GSE1: variants seen among roughly 807,000 people sequenced by gnomAD.
GSE1 encodes genetic suppressor element 1.
A neutral mutation model predicts 112.6 loss-of-function variants in GSE1; 32 were observed. That is an observed-to-expected ratio of 0.28 (90% CI 0.21 to 0.38). The LOEUF is 0.38. Ranked by LOEUF, GSE1 falls within the 10% of genes least tolerant of loss-of-function variation. GSE1 has a pLI of 1.00. For missense variants in GSE1, 2,348 were observed against 1,699.2 expected (o/e 1.38, Z -6.71); for synonymous variants, 1,115 against 735.6 (o/e 1.52, Z -8.35).
At chr16:85,357,281 C>G (rs372062417) in intron 1 of GSE1, among the ~76,000 whole-genome samples, 1 of 152,226 alleles carries the variant, frequency 6.6e-6, no homozygotes, top group African/African-American at 2.4e-5. Context: ...AAGGAAGACA[C>G]TGGCACTGGC....
Position 85,400,249 on chromosome 16 carries a change from TTGTGTGTGTG to T in GSE1, c.2464+42630_2464+42639del, listed in dbSNP as rs60393248. On this transcript the variant is annotated intron_variant, in intron 2 of 2. Coordinates refer to the GSE1 transcript ENST00000637419. ...AGATGGGAAAACAGGAAGTGTAGGG[TTGTGTGTGTG>T]TGTGTGTGTGTGTGTGTGTGTGTAA... Among the ~76,000 whole-genome samples the T allele has an allele frequency of 5.0e-3, 755 of 150,588 alleles. 4 individuals are homozygous for T. The highest frequency in any genetic ancestry group is 0.011 in the African/African-American group (458 of 40,976).
At chr16:85,382,177 C>G (rs1320145184) in intron 2 of GSE1, among the ~76,000 whole-genome samples, 1 of 152,202 alleles carries the variant, frequency 6.6e-6, no homozygotes, top group Non-Finnish European at 1.5e-5. Flanking sequence ...GCTGCTGGGG[C>G]CCGGGGCTCG....
At chr16:85,640,901 G>C (rs561938869) in intron 2 of GSE1, among the ~76,000 whole-genome samples, 4 of 151,902 alleles carry the variant, frequency 2.6e-5, no homozygotes, top group African/African-American at 7.3e-5. Context: ...CTCCTGGCCC[G>C]GGGGCCAGAG....
At chr16:85,531,486 G>A (rs1044710286) in intron 2 of GSE1, among the ~76,000 whole-genome samples, 6 of 152,118 alleles carry the variant, frequency 3.9e-5, no homozygotes, top group South Asian at 2.1e-4. Context: ...GAGCCCTCTC[G>A]GAGGGCCTCA....
At chr16:85,214,400 C>T (rs375673985) in intron 1 of GSE1, among the ~76,000 whole-genome samples, 5 of 152,166 alleles carry the variant, frequency 3.3e-5, no homozygotes, top group South Asian at 2.1e-4. Flanking sequence ...GATTTAGAGA[C>T]GCAGACACAG....
intron 1 of GSE1, among the ~76,000 whole-genome samples, chr16:85,621,747 T>C (rs541789834): frequency 3.3e-5 from 5 of 152,318 alleles, no homozygotes; most frequent in African/African-American, 1.2e-4. Flanking sequence ...TTTTGTGTCA[T>C]CCGTGTCTCT....
chr16:85,242,071 A>G (rs2143938001), intron 1 of GSE1, among the ~76,000 whole-genome samples: 1 of 152,260 alleles, frequency 6.6e-6, no homozygotes, highest in East Asian at 1.9e-4. Flanking sequence ...AGGAGCTGCA[A>G]GAGTCCCACG....
intron 15 of GSE1, chr16:85,671,780 C>G (rs2053360870): frequency 6.5e-6 from 1 of 153,920 alleles, no homozygotes; most frequent in African/African-American, 2.4e-5. Flanking sequence ...AGAAGGGAAG[C>G]TGAAGCAACT....
At chr16:85,203,378 T>C (rs1018966986) in intron 1 of GSE1, among the ~76,000 whole-genome samples, 1 of 152,100 alleles carries the variant, frequency 6.6e-6, no homozygotes, top group Non-Finnish European at 1.5e-5. Flanking sequence ...GCTAAGGTGG[T>C]GTGGCACCCT....
chr16:85,281,821 G>T, intron 1 of GSE1, among the ~76,000 whole-genome samples: 1 of 152,198 alleles, frequency 6.6e-6, no homozygotes, highest in East Asian at 1.9e-4. Flanking sequence ...TGCCACTCTT[G>T]ATTTCAGGAG....
intron 1 of GSE1, among the ~76,000 whole-genome samples, chr16:85,223,555 A>T (rs1871109814): frequency 6.6e-6 from 1 of 152,062 alleles, no homozygotes; most frequent in South Asian, 2.1e-4. Context: ...GTGGTAAGAT[A>T]CACGTGACAT....
At chr16:85,197,715 A>C (rs4783149) in intron 1 of GSE1, among the ~76,000 whole-genome samples, 59,355 of 151,896 alleles carry the variant, frequency 0.39, 12,090 homozygotes, top group Middle Eastern at 0.46. Context: ...ACTCTGTGTC[A>C]CCTTAGAGCA....
intron 2 of GSE1, among the ~76,000 whole-genome samples, chr16:85,439,651 T>A (rs578111401): frequency 1.7e-3 from 257 of 152,052 alleles, no homozygotes; most frequent in African/African-American, 6.0e-3. Flanking sequence ...CCTCGCCTGG[T>A]GAAGACACTC....
intron 2 of GSE1, among the ~76,000 whole-genome samples, chr16:85,519,558 C>CCGGTCTTT (rs1567555796): frequency 4.6e-5 from 1 of 21,914 alleles, no homozygotes; most frequent in Admixed American, 4.6e-4. Context: ...ACCACCATCA[C>CCGGTCTTT]TATCATCATC....
chr16:85,626,211 C>CCCGCCCCCTCCCTTGCCT (rs1362951379), intron 1 of GSE1, among the ~76,000 whole-genome samples: 1 of 152,150 alleles, frequency 6.6e-6, no homozygotes, highest in African/African-American at 2.4e-5. Context: ...CCAGGGTCTC[C>CCCGCCCCCTCCCTTGCCT]CCGCCCCCTC....
chr16:85,249,758 C>T (rs1462685364), intron 1 of GSE1, among the ~76,000 whole-genome samples: 2 of 152,210 alleles, frequency 1.3e-5, no homozygotes, highest in East Asian at 1.9e-4. Flanking sequence ...GGCTTGGAGT[C>T]GGGGCTGCCC....
intron 1 of GSE1, among the ~76,000 whole-genome samples, chr16:85,326,627 G>A (rs2046232846): frequency 6.6e-6 from 1 of 152,160 alleles, no homozygotes; most frequent in Non-Finnish European, 1.5e-5. Context: ...TAAGTTTCCC[G>A]AGGCCTGCCC....
At chr16:85,391,774 A>G (rs1487873771) in intron 2 of GSE1, among the ~76,000 whole-genome samples, 2 of 152,144 alleles carry the variant, frequency 1.3e-5, no homozygotes. Flanking sequence ...AGGTCACTGG[A>G]GTAGATGCTT....
In GSE1 at chr16:85,569,327, A is replaced by G. The variant is rs574627605; in HGVS notation, c.37+12964A>G. 5.1e-4 allele frequency among the ~76,000 whole-genome samples: 77 copies of G among 152,220 alleles called. 1 individual carries two copies. The South Asian group carries it at 0.011, about 22-fold the overall frequency. ...AGATAGTAAGCAACCGTGACCTACC[A>G]CTGTAGCTCTTTATTTAGTAGCTGA... On this transcript the variant is annotated intron_variant, in intron 1 of 2. Coordinates refer to the GSE1 transcript ENST00000635906.
Sources: gnomAD v4.1 joint callset for allele counts (sites outside exome capture counted in the v4.1 genomes callset) on GRCh38, gnomAD v4.1.1 for gene constraint, MANE v1.5 for transcripts, NCBI Gene and HGNC (gene_info 2026-07-23, HGNC 2026-07-21) for gene names.